Variants in B3GALT1 observed in about 807,000 individuals in gnomAD.
B3GALT1 encodes the protein beta-1,3-galactosyltransferase 1, also known as UDP-Gal:betaGlcNAc beta 1,3-galactosyltransferase, polypeptide 1.
In B3GALT1, 10 loss-of-function variants were observed where a neutral mutation model predicts 23.2. That is an observed-to-expected ratio of 0.43 (90% CI 0.27 to 0.73). The LOEUF is 0.73. B3GALT1 is among the 30% of genes least tolerant of loss of function. The pLI is 0.21. For missense variants in B3GALT1, 299 were observed against 405.4 expected, an observed-to-expected ratio of 0.74 and a Z score of 2.25; for synonymous variants, 156 against 141.5, an observed-to-expected ratio of 1.10 and a Z score of -0.73.
At chr2:167,704,537 TA>T (rs79407153) in intron 3 of B3GALT1, among the ~76,000 whole-genome samples, 33 of 146,884 alleles carry the variant, frequency 2.2e-4, no homozygotes, top group South Asian at 4.3e-4. Context: ...TAGCCTACTT[TA>T]AAAAAAAAAA....
intron 2 of B3GALT1, among the ~76,000 whole-genome samples, chr2:167,512,197 A>T (rs780364672): frequency 1.4e-4 from 22 of 152,050 alleles, no homozygotes; most frequent in African/African-American, 5.1e-4. Flanking sequence ...GCTGAAAAAA[A>T]TTCAGTATTC....
At chr2:167,403,399 C>T (rs188842379) in intron 1 of B3GALT1, among the ~76,000 whole-genome samples, 8 of 151,882 alleles carry the variant, frequency 5.3e-5, no homozygotes, top group East Asian at 1.9e-4. Flanking sequence ...GTATGTGCCA[C>T]GTTTTCTTAA....
chr2:167,484,584 T>G (rs536042403), intron 1 of B3GALT1, among the ~76,000 whole-genome samples: 1 of 152,282 alleles, frequency 6.6e-6, no homozygotes, highest in African/African-American at 2.4e-5. Context: ...GTTGAAAGAG[T>G]TAAGTTATTA....
chr2:167,713,976 C>G (rs1013416376), intron 3 of B3GALT1: 43 of 1,556,230 alleles, frequency 2.8e-5, no homozygotes, highest in Middle Eastern at 1.7e-4. Context: ...CCACTGATTG[C>G]AGCAAGAGGT....
intron 1 of B3GALT1, among the ~76,000 whole-genome samples, chr2:167,300,536 AG>A (rs1410221943): frequency 1.3e-5 from 2 of 152,236 alleles, no homozygotes; most frequent in African/African-American, 4.8e-5. Flanking sequence ...TGCACTTTCA[AG>A]TATTTAAAGG....
chr2:167,420,502 C>G (rs1025849497), intron 1 of B3GALT1, among the ~76,000 whole-genome samples: 1 of 152,142 alleles, frequency 6.6e-6, no homozygotes, highest in Admixed American at 6.5e-5. Context: ...TTGTGTATTT[C>G]AAGAAACAAG....
At chr2:167,573,415 A>C (rs890996273) in intron 2 of B3GALT1, among the ~76,000 whole-genome samples, 11 of 151,788 alleles carry the variant, frequency 7.2e-5, no homozygotes, top group Non-Finnish European at 1.5e-4. Context: ...TCATAATTGC[A>C]GTTTCATTCC....
intron 2 of B3GALT1, among the ~76,000 whole-genome samples, chr2:167,559,007 C>T (rs534387196): frequency 1.2e-4 from 18 of 152,346 alleles, no homozygotes; most frequent in African/African-American, 4.3e-4. Flanking sequence ...ACTGCCTCCT[C>T]AAGTGGGTCC....
intron 2 of B3GALT1, among the ~76,000 whole-genome samples, chr2:167,628,768 G>T (rs773642423): frequency 2.0e-5 from 3 of 151,686 alleles, no homozygotes; most frequent in Admixed American, 1.3e-4. Flanking sequence ...GGAGCAAGCT[G>T]TCAGGCTTCC....
At chr2:167,439,661 T>C (rs1188130323) in intron 1 of B3GALT1, among the ~76,000 whole-genome samples, 1 of 152,146 alleles carries the variant, frequency 6.6e-6, no homozygotes, top group Admixed American at 6.5e-5. Flanking sequence ...ATTTCTCTAC[T>C]ACTGAAAATT....
intron 1 of B3GALT1, among the ~76,000 whole-genome samples, chr2:167,363,123 G>A (rs1377856945): frequency 6.6e-6 from 1 of 151,812 alleles, no homozygotes; most frequent in Non-Finnish European, 1.5e-5. Flanking sequence ...CCAAAGTGCT[G>A]GGATTACAGG....
At chr2:167,646,887 T>A (rs1457139724) in intron 2 of B3GALT1, among the ~76,000 whole-genome samples, 22 bp from the exon 3 acceptor site, 1 of 152,132 alleles carries the variant, frequency 6.6e-6, no homozygotes, top group African/African-American at 2.4e-5. Flanking sequence ...CTAAATGTAT[T>A]TTTTTTCTTC....
chr2:167,339,429 A>G lies in B3GALT1; in HGVS notation c.-511+46095A>G, dbSNP rs554703602. ...GGTGAGTGTGGATGTGGGGGGATGT[A>G]GGGAAATAATGTAAAGCTGTGTATA... On this transcript the variant is annotated intron_variant, in intron 1 of 4. Transcript: ENST00000392690. Among the ~76,000 whole-genome samples the G allele has an allele frequency of 1.4e-4, 21 of 151,944 alleles. 1 individual carries two copies. The East Asian group carries it at 2.3e-3, about 17-fold the overall frequency.
chr2:167,306,630 G>C (rs1696556449), intron 1 of B3GALT1, among the ~76,000 whole-genome samples: 1 of 151,984 alleles, frequency 6.6e-6, no homozygotes, highest in Non-Finnish European at 1.5e-5. Context: ...TTATCACAGA[G>C]TTTGCATGCA....
chr2:167,869,215 A>T lies in B3GALT1; in HGVS notation c.176A>T (p.Asn59Ile). The change falls in exon 5 of 5, where the codon AAC (asparagine) becomes ATC (isoleucine). Residue 59 changes from asparagine to isoleucine, a missense_variant. Asn to Ile is a moderately radical substitution (Grantham distance 149). Transcript: ENST00000392690. This position sits in a 1 kb window ranked among gnomAD's most constrained non-coding sequence, Gnocchi z 6.4. Reference protein sequence around the residue: ...TFGNIRTRPINPHSFEFLINE... With the variant: ...TFGNIRTRPIIPHSFEFLINE... ...GGCAACATAAGAACTCGACCTATCA[A>T]CCCACATTCTTTTGAATTTCTTATC... The T allele has an allele frequency of 6.2e-7, 1 of 1,614,166 alleles. No individual in the cohort carries two copies. Among genetic ancestry groups the T allele is most frequent in the Non-Finnish European group, 8.5e-7 (1 of 1,180,032 alleles).
chr2:167,443,209 G>A (rs201564073), intron 1 of B3GALT1, among the ~76,000 whole-genome samples: 1 of 151,722 alleles, frequency 6.6e-6, no homozygotes, highest in Non-Finnish European at 1.5e-5. Flanking sequence ...ATTTCTGAGG[G>A]CTCTGTTCTG....
intron 2 of B3GALT1, among the ~76,000 whole-genome samples, chr2:167,582,371 TG>T (rs1684500414): frequency 6.6e-6 from 1 of 152,236 alleles, no homozygotes; most frequent in African/African-American, 2.4e-5. Flanking sequence ...ACTGGCTTTG[TG>T]GTTAGCACTG....
intron 1 of B3GALT1, among the ~76,000 whole-genome samples, chr2:167,454,045 A>G (rs1360002111): frequency 6.6e-6 from 1 of 152,310 alleles, no homozygotes; most frequent in East Asian, 1.9e-4. Context: ...TGATTTTTGT[A>G]TCTGTGCACT....
intron 1 of B3GALT1, among the ~76,000 whole-genome samples, chr2:167,298,545 A>T (rs533105910): frequency 6.6e-6 from 1 of 152,156 alleles, no homozygotes; most frequent in East Asian, 1.9e-4. Flanking sequence ...AAATATTTGT[A>T]TTTACTTCAT....
Sources: gnomAD v4.1 joint callset for allele counts (sites outside exome capture counted in the v4.1 genomes callset) on GRCh38, gnomAD v4.1.1 for gene constraint, Gnocchi (gnomAD v3.1) non-coding constraint, MANE v1.5 for transcripts, NCBI Gene and HGNC (gene_info 2026-07-23, HGNC 2026-07-21) for gene names.